Variants in ING5 observed in about 807,000 individuals in gnomAD.
The protein encoded by ING5 is inhibitor of growth family member 5.
Under a neutral mutation model 37.4 loss-of-function variants are expected in ING5, and 17 were observed. The observed-to-expected ratio is 0.45, with a 90% CI of 0.31 to 0.68. The LOEUF (loss-of-function observed/expected upper bound fraction) is 0.68, where lower values mean the gene tolerates loss of function less well. ING5 is among the 30% of genes least tolerant of loss of function. The pLI, the probability that ING5 is intolerant of heterozygous loss-of-function variation, is 0.05. For synonymous variants in ING5, 123 were observed against 116.6 expected, an observed-to-expected ratio of 1.06 and a Z score of -0.36; for missense variants, 233 against 311.9, an observed-to-expected ratio of 0.75 and a Z score of 1.91.
At chr2:241,714,665 A>G (rs1467628413) in intron 5 of ING5, among the ~76,000 whole-genome samples, 1 of 150,508 alleles carries the variant, frequency 6.6e-6, no homozygotes, top group Non-Finnish European at 1.5e-5. Flanking sequence ...TGGCATGCAC[A>G]TGGCTCACTG....
intron 1 of ING5, among the ~76,000 whole-genome samples, chr2:241,688,786 G>A (rs560562796): frequency 4.9e-4 from 74 of 150,218 alleles, no homozygotes; most frequent in African/African-American, 1.8e-3. Flanking sequence ...ACCACGCCCG[G>A]CTAATTTTTG....
At chr2:241,698,948 G>A (rs62191309), upstream of ING5, among the ~76,000 whole-genome samples, 50,161 of 150,108 alleles carry the variant, frequency 0.33, 9,158 homozygotes, top group Middle Eastern at 0.44. Flanking sequence ...GGCTGGTCTC[G>A]AACTCCCGAC....
At chr2:241,687,317 A>AGGGGCTCAGCC in exon 1 of ING5, 1 of 398,640 alleles carries the variant, frequency 2.5e-6, no homozygotes, top group Non-Finnish European at 4.4e-6. Flanking sequence ...GGCCCAGTGC[A>AGGGGCTCAGCC]GGGGCTCAGC....
At chr2:241,701,532 C>G (rs944120744), upstream of ING5, among the ~76,000 whole-genome samples, 1 of 151,768 alleles carries the variant, frequency 6.6e-6, no homozygotes, top group Non-Finnish European at 1.5e-5. Flanking sequence ...CACGCGGTGC[C>G]GGCCCTCGGC....
At chr2:241,709,563 T>TG (rs5839767) in intron 3 of ING5, among the ~76,000 whole-genome samples, 181 bp downstream of exon 3, 1 of 140,604 alleles carries the variant, frequency 7.1e-6, no homozygotes, top group African/African-American at 2.5e-5. Flanking sequence ...CTGTTTTTTT[T>TG]TTTTTTTTTT....
chr2:241,719,657 G>A, intron 5 of ING5: 1 of 1,534,744 alleles, frequency 6.5e-7, no homozygotes. Flanking sequence ...TCCTCGTGGG[G>A]GTGAAGGAGA....
chr2:241,707,021 G>A (rs538234750), intron 2 of ING5, among the ~76,000 whole-genome samples: 8 of 148,370 alleles, frequency 5.4e-5, no homozygotes, highest in South Asian at 2.1e-4. Flanking sequence ...GTGCGATGGC[G>A]CGATCTTGGC....
chr2:241,707,015 G>A (rs1438029462), intron 2 of ING5, among the ~76,000 whole-genome samples: 12 of 146,418 alleles, frequency 8.2e-5, no homozygotes, highest in Admixed American at 1.4e-4. Context: ...GCTGGCGTGC[G>A]ATGGCGCGAT....
At position 241,711,467 on chromosome 2, in the gene ING5, T is replaced by A; in HGVS notation, c.367T>A (p.Ser123Thr). The part of the protein sequence containing the change: ...DKMEGSDFES[S>T]GGRGLKKGRG... The stretch of plus-strand genomic sequence containing the variant: ...GATGGAGGGCAGTGATTTTGAAAGC[T>A]CCGGAGGGCGAGGGTTAAAAAGCAA... Residue 123 changes from serine to threonine, a missense_variant, in exon 4 of 8, where the codon TCC (serine) becomes ACC (threonine). Transcript: ENST00000313552. The A allele has an allele frequency of 6.2e-7, 1 of 1,606,316 alleles. No individual in the cohort carries two copies. Among genetic ancestry groups the A allele is most frequent in the Non-Finnish European group, 8.5e-7 (1 of 1,177,124 alleles).
In ING5 at chr2:241,726,427, G is replaced by A. The variant is rs1227838245; in HGVS notation, c.*1396G>A. 6.6e-6 allele frequency: 1 copy of A among 152,220 alleles called. No individual in the cohort carries two copies. The highest frequency in any genetic ancestry group is 2.4e-5 in the African/African-American group (1 of 41,432). 9.4% of individuals were successfully genotyped at this position (152,220 alleles called of 1,614,324 possible). On this transcript the variant is annotated 3_prime_UTR_variant, in exon 8 of 8. Transcript: ENST00000313552. Reference sequence around the variant, plus strand: ...ACGTGTGAAGCTCTGTGTCTCAGACGGGGCCCTCCCGTCGAGAAGCTGGTA... The same window carrying A: ...ACGTGTGAAGCTCTGTGTCTCAGACAGGGCCCTCCCGTCGAGAAGCTGGTA...
chr2:241,718,975 G>A (rs2070354340), intron 5 of ING5, among the ~76,000 whole-genome samples: 1 of 152,258 alleles, frequency 6.6e-6, no homozygotes, highest in Admixed American at 6.5e-5. Context: ...GAAGCGTGGA[G>A]AGGGAAATTT....
chr2:241,691,009 A>T (rs2069545083), intron 2 of ING5, among the ~76,000 whole-genome samples: 1 of 151,406 alleles, frequency 6.6e-6, no homozygotes, highest in Admixed American at 6.6e-5. Flanking sequence ...GGATTTCACC[A>T]TGTTGGCCAG....
intron 7 of ING5, 30 bp from the exon 8 acceptor site, chr2:241,724,959 C>T: frequency 1.2e-6 from 2 of 1,613,332 alleles, no homozygotes; most frequent in Non-Finnish European, 1.7e-6. Context: ...AAATGGCGCC[C>T]AGGGCCTCAC....
At chr2:241,721,216 G>A (rs1020518316) in intron 5 of ING5, 57 of 985,524 alleles carry the variant, frequency 5.8e-5, no homozygotes, top group Non-Finnish European at 6.6e-5. Context: ...GTGGCATCCC[G>A]GAATCGGCAG....
At chr2:241,707,219 A>G (rs1575125340) in intron 2 of ING5, among the ~76,000 whole-genome samples, 2 of 151,916 alleles carry the variant, frequency 1.3e-5, no homozygotes, top group African/African-American at 4.8e-5. Context: ...TTGGCCTCCC[A>G]AAGTGCTGGT....
chr2:241,689,223 C>G (rs1310535490), intron 1 of ING5, among the ~76,000 whole-genome samples: 2 of 152,076 alleles, frequency 1.3e-5, no homozygotes, highest in East Asian at 3.8e-4. Context: ...ACCTATTCTC[C>G]TGCATCAACC....
chr2:241,705,967 A>G (rs1380729755), intron 2 of ING5, among the ~76,000 whole-genome samples: 2 of 150,996 alleles, frequency 1.3e-5, no homozygotes, highest in African/African-American at 5.0e-5. Context: ...CTGTGCTTAT[A>G]TGACCTCTTT....
intron 7 of ING5, chr2:241,724,123 C>G (rs1259699958): frequency 1.7e-6 from 2 of 1,172,670 alleles, no homozygotes; most frequent in South Asian, 2.3e-5. Context: ...GTGTGGCACT[C>G]AGAGGTCATC....
intron 2 of ING5, among the ~76,000 whole-genome samples, chr2:241,705,966 T>C (rs1320604623): frequency 6.6e-6 from 1 of 151,126 alleles, no homozygotes; most frequent in Non-Finnish European, 1.5e-5. Flanking sequence ...GCTGTGCTTA[T>C]ATGACCTCTT....
Sources: gnomAD v4.1 joint callset for allele counts (sites outside exome capture counted in the v4.1 genomes callset) on GRCh38, gnomAD v4.1.1 for gene constraint, MANE v1.5 for transcripts, NCBI Gene and HGNC (gene_info 2026-07-23, HGNC 2026-07-21) for gene names.